RWDD1: variants seen among roughly 807,000 people sequenced by gnomAD.
RWDD1 encodes the protein RWD domain-containing protein 1.
RWDD1 carries 17 observed loss-of-function variants against 31.6 expected under a neutral mutation model. The ratio of observed to expected loss-of-function variants is 0.54; its 90% CI spans 0.37 to 0.81. The LOEUF is 0.81. Ranked by LOEUF, RWDD1 falls within the 30% of genes least tolerant of loss-of-function variation. The pLI is 0.00. For synonymous variants in RWDD1, 78 were observed against 94.2 expected (o/e 0.83, Z 0.99); for missense variants, 204 against 274.5 (o/e 0.74, Z 1.82).
intron 1 of RWDD1, 132 bp downstream of exon 1, chr6:116,571,787 A>T: frequency 1.6e-6 from 1 of 610,670 alleles, no homozygotes; most frequent in Non-Finnish European, 2.7e-6. Context: ...CTTGCCCTCC[A>T]CTCCTCAAGT....
rs148873937 is a variant in RWDD1, at chr6:116,594,448, C to G, written c.*1347C>G. 31 of 152,310 alleles carry G rather than the reference C, an allele frequency of 2.0e-4. No homozygotes were observed. The highest frequency in any genetic ancestry group is 6.7e-4 in the African/African-American group (28 of 41,566). 9.4% of individuals were successfully genotyped at this position (152,310 alleles called of 1,614,324 possible). A position where few individuals can be genotyped will look rare whatever the true frequency, so the allele number is the denominator to read the frequency against. Reference sequence around the variant, plus strand: ...AGATTTATGAACACTGATCCCCAGTCTGAATTTTAAAACAGCAAAATCTCA... The same window carrying G: ...AGATTTATGAACACTGATCCCCAGTGTGAATTTTAAAACAGCAAAATCTCA... On this transcript the variant is annotated 3_prime_UTR_variant, in exon 7 of 7. Coordinates refer to ENST00000466444, the MANE Select transcript of RWDD1 (RefSeq NM_015952.4).
chr6:116,590,762 A>C, intron 5 of RWDD1, 126 bp from the exon 6 acceptor site: 1 of 1,405,712 alleles, frequency 7.1e-7, no homozygotes, highest in Non-Finnish European at 9.4e-7. Context: ...TTAGCTACTG[A>C]ATAAATTCAG....
At chr6:116,578,963 C>T (rs1394912810) in intron 1 of RWDD1, among the ~76,000 whole-genome samples, 1 of 152,146 alleles carries the variant, frequency 6.6e-6, no homozygotes, top group Non-Finnish European at 1.5e-5. Flanking sequence ...GCAACCTCTG[C>T]CTCCCAGGTT....
chr6:116,584,704 C>T, intron 2 of RWDD1, 23 bp from the exon 3 acceptor site: 1 of 1,603,694 alleles, frequency 6.2e-7, no homozygotes, highest in Non-Finnish European at 8.5e-7. Flanking sequence ...GTATTCACAT[C>T]AAACTCTTAT....
chr6:116,586,253 C>T (rs1775037802), intron 3 of RWDD1, among the ~76,000 whole-genome samples: 1 of 151,362 alleles, frequency 6.6e-6, no homozygotes, highest in African/African-American at 2.4e-5. Context: ...TACAAAAAAT[C>T]ATGAAGAAGA....
intron 2 of RWDD1, among the ~76,000 whole-genome samples, chr6:116,583,898 T>G (rs1004109195): frequency 2.6e-5 from 4 of 152,210 alleles, no homozygotes; most frequent in African/African-American, 9.7e-5. Context: ...AAAGTGCTTT[T>G]TTTCCCCGTC....
intron 3 of RWDD1, among the ~76,000 whole-genome samples, chr6:116,588,267 T>TTTTGAA (rs1374395680): frequency 6.6e-6 from 1 of 152,172 alleles, no homozygotes; most frequent in Non-Finnish European, 1.5e-5. Context: ...GGCTAGTATA[T>TTTTGAA]TTTGAAATTA....
chr6:116,572,465 CAGA>C (rs1172153793), intron 1 of RWDD1: 4 of 152,148 alleles, frequency 2.6e-5, no homozygotes, highest in African/African-American at 9.7e-5. Context: ...ATTGAGAGAG[CAGA>C]AGATTACTTG....
chr6:116,586,853 A>G (rs942117330), intron 3 of RWDD1, among the ~76,000 whole-genome samples: 2 of 152,190 alleles, frequency 1.3e-5, no homozygotes, highest in African/African-American at 4.8e-5. Flanking sequence ...GGTTGTGCCA[A>G]TTTATGATCT....
Position 116,595,149 on chromosome 6 carries a change from A to C in RWDD1, c.*2048A>C, listed in dbSNP as rs930183720. ...CTCAATTAAGGTTAAAAAAAATAAA[A>C]AGCAATTGTTAGCAATGTGGTGCTG... is the stretch of plus-strand genomic sequence containing the variant. On this transcript the variant is annotated 3_prime_UTR_variant, in exon 7 of 7. Coordinates refer to ENST00000466444, the MANE Select transcript of RWDD1 (RefSeq NM_015952.4). 1 of 152,194 alleles carries C rather than the reference A, an allele frequency of 6.6e-6. No homozygotes were observed. Among genetic ancestry groups the C allele is most frequent in the Non-Finnish European group, 1.5e-5 (1 of 68,012 alleles). 9.4% of individuals were successfully genotyped at this position (152,194 alleles called of 1,614,324 possible). A position where few individuals can be genotyped will look rare whatever the true frequency, so the allele number is the denominator to read the frequency against.
chr6:116,590,513 A>G, intron 5 of RWDD1, 109 bp downstream of exon 5: 1 of 1,334,592 alleles, frequency 7.5e-7, no homozygotes. Context: ...ATACATAGGC[A>G]TCTAGGACAA....
In RWDD1 at chr6:116,596,594, TCTCAA is replaced by T. The variant is rs1488219136; in HGVS notation, c.*3498_*3502del. On this transcript the variant is annotated 3_prime_UTR_variant, in exon 7 of 7. Transcript: ENST00000466444. ...GCATTATCCTGTGTTAGTGACTGAA[TCTCAA>T]CTCAGTCCTCATTTTTTAGTTCAAC... is the stretch of plus-strand genomic sequence containing the variant. 11 of 152,174 alleles carry T rather than the reference TCTCAA, an allele frequency of 7.2e-5. No homozygotes were observed. Among genetic ancestry groups the T allele is most frequent in the African/African-American group, 2.7e-4 (11 of 41,434 alleles). The allele number at this position is 152,174 out of a possible 1,614,324, so 9.4% of individuals were successfully genotyped here. A position where few individuals can be genotyped will look rare whatever the true frequency, so the allele number is the denominator to read the frequency against.
In RWDD1 at chr6:116,597,272, T is replaced by G. The variant is rs1775253562; in HGVS notation, c.*4171T>G. On this transcript the variant is annotated 3_prime_UTR_variant, in exon 7 of 7. Coordinates refer to ENST00000466444, the MANE Select transcript of RWDD1 (RefSeq NM_015952.4). ...GTTCTACTCAGTCCACCAAAGCTTT[T>G]TAATTTCCTTACATAATTAACATGA... The G allele has an allele frequency of 6.6e-6, 1 of 152,222 alleles. No homozygotes were observed. The highest frequency in any genetic ancestry group is 1.5e-5 in the Non-Finnish European group (1 of 68,044). The allele number at this position is 152,222 out of a possible 1,614,324, so 9.4% of individuals were successfully genotyped here.
intron 4 of RWDD1, 80 bp from the exon 5 acceptor site, chr6:116,590,192 G>T: frequency 1.4e-6 from 1 of 711,696 alleles, no homozygotes; most frequent in Non-Finnish European, 2.3e-6. Context: ...GGGTTATATT[G>T]ATATGTTTAA....
chr6:116,587,101 A>T (rs1157533292), intron 3 of RWDD1, among the ~76,000 whole-genome samples: 2 of 152,310 alleles, frequency 1.3e-5, no homozygotes, highest in African/African-American at 4.8e-5. Flanking sequence ...TTTATTGGAT[A>T]TGAAAGTTTT....
chr6:116,577,007 A>C (rs1190387080), intron 1 of RWDD1, among the ~76,000 whole-genome samples: 4 of 152,192 alleles, frequency 2.6e-5, no homozygotes, highest in African/African-American at 9.7e-5. Flanking sequence ...TATAGTGCAT[A>C]TTGTAGACAC....
chr6:116,575,289 G>A (rs1774818860), intron 1 of RWDD1, among the ~76,000 whole-genome samples: 1 of 151,676 alleles, frequency 6.6e-6, no homozygotes, highest in Non-Finnish European at 1.5e-5. Flanking sequence ...GTCTCACTAT[G>A]TTCCCAGGCT....
rs1775181788 is a variant in RWDD1 at position 116,593,232 on chromosome 6, A to G, written c.*131A>G. ...GGAGAATATTCTTCTGATAGCTTTC[A>G]TCATTGAACTTAATAAACTGACCTT... is the stretch of plus-strand genomic sequence containing the variant. On this transcript the variant is annotated 3_prime_UTR_variant, in exon 7 of 7. Transcript: ENST00000466444. The G allele has an allele frequency of 1.1e-6, 1 of 878,970 alleles. No homozygotes were observed. Among genetic ancestry groups the G allele is most frequent in the South Asian group, 2.5e-5 (1 of 40,090 alleles). The allele number at this position is 878,970 out of a possible 1,614,324, so 54.4% of individuals were successfully genotyped here. A position where few individuals can be genotyped will look rare whatever the true frequency, so the allele number is the denominator to read the frequency against.
chr6:116,591,082 G>T, intron 6 of RWDD1, 132 bp downstream of exon 6: 1 of 1,209,246 alleles, frequency 8.3e-7, no homozygotes, highest in Non-Finnish European at 1.1e-6. Context: ...GCAACATAGT[G>T]AGACCCTGAC....
Sources: gnomAD v4.1 joint callset for allele counts (sites outside exome capture counted in the v4.1 genomes callset) on GRCh38, gnomAD v4.1.1 for gene constraint, MANE v1.5 for transcripts, NCBI Gene and HGNC (gene_info 2026-07-23, HGNC 2026-07-21) for gene names.